The following SLC17A1 variants were observed in gnomAD, a reference collection of about 807,000 sequenced individuals.
The protein encoded by SLC17A1 is solute carrier family 17 member 1.
Under a neutral mutation model 53.5 loss-of-function variants are expected in SLC17A1, and 51 were observed. The ratio of observed to expected loss-of-function variants is 0.95; its 90% CI spans 0.76 to 1.20. The LOEUF (loss-of-function observed/expected upper bound fraction) is 1.20, where lower values mean the gene tolerates loss of function less well. Ranked by LOEUF, SLC17A1 falls within the 50% of genes most tolerant of loss-of-function variation. SLC17A1 has a pLI of 0.00. For missense variants in SLC17A1, 538 were observed against 568.2 expected (o/e 0.95, Z 0.54); for synonymous variants, 179 against 198.8 (o/e 0.90, Z 0.84).
the SLC17A1 span, chr6:25,770,876 G>A: frequency 1.4e-6 from 2 of 1,410,104 alleles, no homozygotes; most frequent in East Asian, 2.3e-5. Context: ...AGCACATAGA[G>A]CCCCAAGACG....
the SLC17A1 span, chr6:25,732,008 G>C: frequency 6.4e-7 from 1 of 1,554,782 alleles, no homozygotes; most frequent in Admixed American, 1.7e-5. Flanking sequence ...AGATTCCAGT[G>C]TCCGCGTGGA....
intron 12 of SLC17A1, chr6:25,798,434 A>G (rs1353232900): frequency 5.5e-6 from 1 of 182,216 alleles, no homozygotes; most frequent in Non-Finnish European, 1.1e-5. Flanking sequence ...ATATTATAGC[A>G]CTTGCCAAAG....
At chr6:25,736,841 A>G in the SLC17A1 span, among the ~76,000 whole-genome samples, 4 of 152,246 alleles carry the variant, frequency 2.6e-5, no homozygotes, top group Non-Finnish European at 4.4e-5. Flanking sequence ...ACAAAATTAC[A>G]TGGTCCAACT....
At chr6:25,725,061 C>G in the SLC17A1 span, among the ~76,000 whole-genome samples, 1 of 144,200 alleles carries the variant, frequency 6.9e-6, no homozygotes, top group Admixed American at 7.1e-5. Context: ...GAATATCGTA[C>G]AATAATTTTT....
chr6:25,736,261 A>AT, the SLC17A1 span, among the ~76,000 whole-genome samples: 1 of 152,110 alleles, frequency 6.6e-6, no homozygotes, highest in Admixed American at 6.5e-5. Context: ...AATTTATCTC[A>AT]ATAATGAGTT....
intron 11 of SLC17A1, among the ~76,000 whole-genome samples, chr6:25,800,497 CAT>C (rs33975337): frequency 0.014 from 2,097 of 152,186 alleles, 27 homozygotes; most frequent in African/African-American, 0.038. Flanking sequence ...AGTCTGCCTT[CAT>C]AGTCAGACTT....
intron 2 of SLC17A1, among the ~76,000 whole-genome samples, chr6:25,829,672 CA>C (rs1395977070): frequency 3.3e-5 from 5 of 152,074 alleles, no homozygotes; most frequent in African/African-American, 9.7e-5. Context: ...AAGAAGACCA[CA>C]GGGGGAATTC....
intron 12 of SLC17A1, among the ~76,000 whole-genome samples, chr6:25,786,873 G>A (rs1015515925): frequency 6.6e-6 from 1 of 152,154 alleles, no homozygotes; most frequent in African/African-American, 2.4e-5. Flanking sequence ...AGGTCCGCCT[G>A]CAGCTTTGTC....
At chr6:25,770,607 C>A in the SLC17A1 span, 1 of 781,074 alleles carries the variant, frequency 1.3e-6, no homozygotes, top group Non-Finnish European at 2.2e-6. Context: ...CCCCATACTG[C>A]CTTACTTGAT....
At chr6:25,815,239 G>A (rs1206102533) in intron 6 of SLC17A1, among the ~76,000 whole-genome samples, 1 of 149,994 alleles carries the variant, frequency 6.7e-6, no homozygotes, top group African/African-American at 2.5e-5. Context: ...TAGCAAGGGA[G>A]GGAGGAATGA....
chr6:25,815,310 G>A (rs1005684689), intron 6 of SLC17A1, among the ~76,000 whole-genome samples: 6 of 151,624 alleles, frequency 4.0e-5, no homozygotes, highest in African/African-American at 1.5e-4. Flanking sequence ...TAATTACTGA[G>A]AATTTCTTAA....
At chr6:25,738,332 T>C in the SLC17A1 span, among the ~76,000 whole-genome samples, 1 of 150,662 alleles carries the variant, frequency 6.6e-6, no homozygotes, top group Non-Finnish European at 1.5e-5. Context: ...GATAGTGTTT[T>C]CAATAGCTGA....
chr6:25,777,739 A>G, the SLC17A1 span: 2 of 573,974 alleles, frequency 3.5e-6, no homozygotes, highest in Non-Finnish European at 3.1e-6. Context: ...TGGTCAGTAC[A>G]TTTCATTCAG....
chr6:25,813,191 A>T lies in SLC17A1; in HGVS notation c.639T>A (p.Cys213Ter), dbSNP rs751939086. 1.9e-6 allele frequency: 3 copies of T among 1,614,160 alleles called. No individual in the cohort carries two copies. The highest frequency in any genetic ancestry group is 2.5e-6 in the Non-Finnish European group (3 of 1,179,994). ...YIFGACGCAV[C>*]LLWFVLFYDD... ...CATAAAACAGAACGAACCAGAGAAG[A>T]CATACGGCACAGCCACAAGCACCTA... is the stretch of plus-strand genomic sequence containing the variant. The change falls in exon 7 of 13, where the codon TGT (cysteine) becomes TGA (stop). Residue 213 changes from cysteine (C) to a stop codon, truncating the protein, a stop_gained. Coordinates refer to ENST00000244527, the MANE Select transcript of SLC17A1 (RefSeq NM_005074.5). LOFTEE classifies it high-confidence loss of function.
At chr6:25,724,152 G>T in the SLC17A1 span, among the ~76,000 whole-genome samples, 1 of 152,154 alleles carries the variant, frequency 6.6e-6, no homozygotes, top group Non-Finnish European at 1.5e-5. Context: ...GGCTGGGTGC[G>T]GTGGCTAACA....
At chr6:25,727,091 G>A in the SLC17A1 span, 5 of 1,614,122 alleles carry the variant, frequency 3.1e-6, no homozygotes, top group African/African-American at 6.7e-5. Flanking sequence ...CGAAAGCTAT[G>A]AGCATTATGA....
At chr6:25,801,761 T>A (rs1182279642) in intron 10 of SLC17A1, among the ~76,000 whole-genome samples, 1 of 152,222 alleles carries the variant, frequency 6.6e-6, no homozygotes, top group Non-Finnish European at 1.5e-5. Flanking sequence ...ACTCTGCCTT[T>A]ACATGTTGAG....
chr6:25,727,910 G>A, the SLC17A1 span, among the ~76,000 whole-genome samples: 1 of 151,942 alleles, frequency 6.6e-6, no homozygotes, highest in Non-Finnish European at 1.5e-5. Context: ...CCAGCTAATT[G>A]GGAGGCTGAG....
At chr6:25,775,099 G>A in the SLC17A1 span, among the ~76,000 whole-genome samples, 1 of 152,190 alleles carries the variant, frequency 6.6e-6, no homozygotes, top group Admixed American at 6.5e-5. Context: ...GGAGGATGAG[G>A]CAGGTGGATC....
Sources: allele counts gnomAD v4.1 joint callset (sites outside exome capture counted in the v4.1 genomes callset), GRCh38; gene constraint gnomAD v4.1.1; transcripts MANE v1.5; gene names NCBI Gene and HGNC (gene_info 2026-07-23, HGNC 2026-07-21).